EBF2: variants seen among roughly 807,000 people sequenced by gnomAD.
The protein encoded by EBF2 is EBF transcription factor 2.
A neutral mutation model predicts 72.8 loss-of-function variants in EBF2; 21 were observed. The observed-to-expected ratio is 0.29, with a 90% CI of 0.20 to 0.42. The LOEUF is 0.42. Among genes scored for constraint, EBF2 ranks in the 10% least tolerant of loss-of-function variants. The pLI is 1.00. For synonymous variants in EBF2, 299 were observed against 274.2 expected, an observed-to-expected ratio of 1.09 and a Z score of -0.89; for missense variants, 637 against 731.2, an observed-to-expected ratio of 0.87 and a Z score of 1.49.
At position 25,881,474 on chromosome 8, in the gene EBF2, T is replaced by C. The variant is rs371359698; in HGVS notation, c.1009+5281A>G. Among the ~76,000 whole-genome samples, 159 of 152,348 alleles carry C rather than the reference T, an allele frequency of 1.0e-3. 1 individual carries two copies. Among genetic ancestry groups the C allele is most frequent in the African/African-American group, 1.6e-3 (65 of 41,592 alleles). ...CATCCTAAACAACTCCTTTTAGTCCTCATCAGGTTTGCAATTCCTTGTTTA... is the reference window on the plus strand; with the variant it reads ...CATCCTAAACAACTCCTTTTAGTCCCCATCAGGTTTGCAATTCCTTGTTTA... On this transcript the variant is annotated intron_variant, in intron 10 of 15. Transcript: ENST00000520164.
chr8:25,880,947 T>C (rs4430100), intron 10 of EBF2, among the ~76,000 whole-genome samples: 152,241 of 152,262 alleles, frequency 1, 76,110 homozygotes, highest in Middle Eastern at 1. Context: ...GAAACATGAG[T>C]GTCGTCCCCT....
intron 10 of EBF2, among the ~76,000 whole-genome samples, chr8:25,882,108 C>T (rs891629719): frequency 6.6e-6 from 1 of 152,174 alleles, no homozygotes; most frequent in Non-Finnish European, 1.5e-5. Context: ...GTAACACAAG[C>T]CGCCTACGGA....
chr8:25,859,861 T>A (rs1406850742), intron 13 of EBF2, among the ~76,000 whole-genome samples: 4 of 151,922 alleles, frequency 2.6e-5, no homozygotes, highest in Non-Finnish European at 5.9e-5. Flanking sequence ...GGACTACAGA[T>A]GAGCACTACC....
chr8:25,949,789 G>C (rs1803828553), intron 6 of EBF2, among the ~76,000 whole-genome samples: 1 of 152,190 alleles, frequency 6.6e-6, no homozygotes, highest in Non-Finnish European at 1.5e-5. Context: ...AATGGAAGGT[G>C]ACCACTTGGG....
intron 8 of EBF2, 67 bp downstream of exon 8, chr8:25,889,685 G>T: frequency 8.0e-7 from 1 of 1,249,642 alleles, no homozygotes. Context: ...ACATAAATTT[G>T]AAGTTCGAAC....
chr8:25,849,130 C>T (rs1801905590), intron 15 of EBF2, among the ~76,000 whole-genome samples: 2 of 152,326 alleles, frequency 1.3e-5, no homozygotes, highest in South Asian at 2.1e-4. Flanking sequence ...ATGAAGTTTC[C>T]AGATGTTTCC....
At chr8:25,891,679 A>G (rs7001125) in intron 7 of EBF2, among the ~76,000 whole-genome samples, 101,697 of 151,538 alleles carry the variant, frequency 0.67, 35,469 homozygotes, top group East Asian at 0.86. Flanking sequence ...CAGGGTTAAA[A>G]CAATTCTCCT....
At chr8:25,916,955 C>T (rs1803227316) in intron 6 of EBF2, among the ~76,000 whole-genome samples, 1 of 152,120 alleles carries the variant, frequency 6.6e-6, no homozygotes, top group Non-Finnish European at 1.5e-5. Flanking sequence ...GGAGCTACTT[C>T]CCCCACTATG....
At chr8:25,860,455 C>T (rs1234980755) in intron 13 of EBF2, among the ~76,000 whole-genome samples, 1 of 151,832 alleles carries the variant, frequency 6.6e-6, no homozygotes, top group Non-Finnish European at 1.5e-5. Context: ...TTTCTATAAG[C>T]CCAAACCCTT....
rs561126534 is a variant in EBF2, at chr8:26,031,248, G to C, written c.551+1837C>G. The stretch of plus-strand genomic sequence containing the variant: ...CAATCCACAGGCCGGAAAGGACAGG[G>C]TCTAGGCTGCTCTCATATGCATCCA... On this transcript the variant is annotated intron_variant, in intron 6 of 15. Transcript: ENST00000520164. Among the ~76,000 whole-genome samples the C allele has an allele frequency of 1.1e-3, 169 of 152,138 alleles. 2 individuals are homozygous for C. The highest frequency in any genetic ancestry group is 3.8e-3 in the African/African-American group (159 of 41,510).
chr8:25,897,898 A>G (rs1176436840), intron 7 of EBF2, among the ~76,000 whole-genome samples: 2 of 152,222 alleles, frequency 1.3e-5, no homozygotes, highest in Non-Finnish European at 2.9e-5. Flanking sequence ...TTGCTGGGTC[A>G]AATGATAGTT....
At chr8:25,931,541 A>G (rs1803480500) in intron 6 of EBF2, among the ~76,000 whole-genome samples, 2 of 152,214 alleles carry the variant, frequency 1.3e-5, no homozygotes, top group South Asian at 4.1e-4. Context: ...ATGAATGTGG[A>G]CAAAAAGAAT....
chr8:25,844,575 A>C lies in EBF2; in HGVS notation c.*34T>G. On this transcript the variant is annotated 3_prime_UTR_variant, in exon 16 of 16. Transcript: ENST00000520164. ...TTCTTCATTATTGGTCCATCAGAGT[A>C]AGTAGTTTTGTGCTATAAGAAAGCA... 6.2e-7 allele frequency: 1 copy of C among 1,612,516 alleles called. No homozygotes were observed. The highest frequency in any genetic ancestry group is 8.5e-7 in the Non-Finnish European group (1 of 1,178,594).
chr8:25,953,580 G>A (rs528851123), intron 6 of EBF2, among the ~76,000 whole-genome samples: 1 of 152,272 alleles, frequency 6.6e-6, no homozygotes, highest in Admixed American at 6.5e-5. Context: ...ACTGAATGCA[G>A]TCAGGGCAGC....
At chr8:25,976,994 C>A (rs1028133640) in intron 6 of EBF2, among the ~76,000 whole-genome samples, 2 of 152,192 alleles carry the variant, frequency 1.3e-5, no homozygotes, top group African/African-American at 4.8e-5. Context: ...GTAAGTGATT[C>A]CAGATGTGCA....
At chr8:25,887,003 A>T in intron 9 of EBF2, 122 bp from the exon 10 acceptor site, 1 of 1,008,786 alleles carries the variant, frequency 9.9e-7, no homozygotes, top group Non-Finnish European at 1.4e-6. Context: ...CTCTACTCTA[A>T]CTGGAGTACT....
chr8:25,909,276 T>A (rs1395203332), intron 6 of EBF2, among the ~76,000 whole-genome samples: 2 of 152,204 alleles, frequency 1.3e-5, no homozygotes, highest in African/African-American at 4.8e-5. Context: ...GCATCTTTCA[T>A]CAGGCAACTA....
intron 6 of EBF2, among the ~76,000 whole-genome samples, chr8:25,922,972 C>A (rs1050530077): frequency 6.7e-6 from 1 of 148,378 alleles, no homozygotes; most frequent in African/African-American, 2.5e-5. Context: ...AAAAAAAATT[C>A]ATCCGTTGGA....
chr8:25,978,845 A>AAAAGACGATGCC (rs368907045), intron 6 of EBF2, among the ~76,000 whole-genome samples: 2 of 152,334 alleles, frequency 1.3e-5, no homozygotes, highest in Non-Finnish European at 2.9e-5. Flanking sequence ...GAAAGCTTGT[A>AAAAGACGATGCC]AAAGACGATG....
Sources: gnomAD v4.1 joint callset for allele counts (sites outside exome capture counted in the v4.1 genomes callset) on GRCh38, gnomAD v4.1.1 for gene constraint, MANE v1.5 for transcripts, NCBI Gene and HGNC (gene_info 2026-07-23, HGNC 2026-07-21) for gene names.